The following FKBP5 variants were observed in gnomAD, a reference collection of about 807,000 sequenced individuals.
FKBP5 encodes the protein FKBP prolyl isomerase 5.
A neutral mutation model predicts 50.5 loss-of-function variants in FKBP5; 23 were observed. That is an observed-to-expected ratio of 0.46 (90% CI 0.33 to 0.65). The LOEUF (loss-of-function observed/expected upper bound fraction) is 0.65. FKBP5 is among the 30% of genes least tolerant of loss of function. The pLI is 0.02. For missense variants in FKBP5, 411 were observed against 553.1 expected, an observed-to-expected ratio of 0.74 and a Z score of 2.58; for synonymous variants, 176 against 190.6, an observed-to-expected ratio of 0.92 and a Z score of 0.63.
In FKBP5 at chr6:35,698,390, G is replaced by GTAT. The variant is rs1034026971; in HGVS notation, c.-20+21935_-20+21937dup. Among the ~76,000 whole-genome samples, 145 of 152,156 alleles carry GTAT rather than the reference G, an allele frequency of 9.5e-4. 1 individual carries two copies. Among genetic ancestry groups the GTAT allele is most frequent in the African/African-American group, 3.4e-3 (140 of 41,496 alleles). ...AGGCCGGGCGCGGTGGCTCACGCCC[G>GTAT]TATTCCCAACACTTTGGGAAACCTA... On this transcript the variant is annotated intron_variant, in intron 2 of 11. Coordinates refer to the FKBP5 transcript ENST00000536438.
chr6:35,663,402 G>T (rs1192198328), intron 1 of FKBP5, among the ~76,000 whole-genome samples: 1 of 152,166 alleles, frequency 6.6e-6, no homozygotes, highest in African/African-American at 2.4e-5. Context: ...TATTCCAAAG[G>T]CAACAGGGAA....
At chr6:35,687,038 C>A (rs919694758) in intron 1 of FKBP5, among the ~76,000 whole-genome samples, 1 of 152,132 alleles carries the variant, frequency 6.6e-6, no homozygotes, top group Admixed American at 6.6e-5. Context: ...CTCTTATCAG[C>A]TATTAGCTAA....
chr6:35,647,877 A>G (rs1242315046), intron 1 of FKBP5, among the ~76,000 whole-genome samples: 19 of 152,226 alleles, frequency 1.2e-4, no homozygotes, highest in Admixed American at 1.2e-3. Flanking sequence ...TAACTGCTGA[A>G]GACAAGTCTT....
chr6:35,631,995 A>C (rs1450594863), intron 3 of FKBP5, among the ~76,000 whole-genome samples: 1 of 150,360 alleles, frequency 6.7e-6, no homozygotes, highest in African/African-American at 2.5e-5. Context: ...TAATTCTTTC[A>C]TCCTCCAAAT....
At chr6:35,576,277 G>A (rs1762209350) in intron 10 of FKBP5, among the ~76,000 whole-genome samples, 1 of 152,096 alleles carries the variant, frequency 6.6e-6, no homozygotes, top group South Asian at 2.1e-4. Flanking sequence ...CGACCCTCAA[G>A]ATAACAGGTG....
At chr6:35,677,752 G>A (rs571164215) in intron 1 of FKBP5, among the ~76,000 whole-genome samples, 3 of 151,614 alleles carry the variant, frequency 2.0e-5, no homozygotes, top group Non-Finnish European at 2.9e-5. Flanking sequence ...AAAATGATGT[G>A]TCTGCCTAAA....
intron 3 of FKBP5, among the ~76,000 whole-genome samples, chr6:35,627,358 T>A (rs1031773719): frequency 6.6e-6 from 1 of 152,162 alleles, no homozygotes; most frequent in Non-Finnish European, 1.5e-5. Flanking sequence ...CCCAGACTGG[T>A]CTTGAACTCC....
chr6:35,688,486 G>A (rs902160104), intron 1 of FKBP5, among the ~76,000 whole-genome samples: 1 of 151,738 alleles, frequency 6.6e-6, no homozygotes, highest in Admixed American at 6.6e-5. Context: ...GACCCGCCTC[G>A]CCTCTGCCGG....
intron 1 of FKBP5, among the ~76,000 whole-genome samples, chr6:35,652,599 A>C (rs1019934490): frequency 3.3e-5 from 5 of 152,158 alleles, no homozygotes; most frequent in African/African-American, 9.7e-5. Flanking sequence ...CCGCCTAATA[A>C]ACTTTGGTCA....
intron 1 of FKBP5, among the ~76,000 whole-genome samples, chr6:35,652,983 G>A (rs1182070203): frequency 6.6e-6 from 1 of 152,098 alleles, no homozygotes; most frequent in African/African-American, 2.4e-5. Flanking sequence ...AAGAACCTAC[G>A]TGATTATCGG....
chr6:35,591,322 A>G, intron 6 of FKBP5, 102 bp from the exon 7 acceptor site: 2 of 739,326 alleles, frequency 2.7e-6, no homozygotes, highest in Admixed American at 2.4e-5. Flanking sequence ...TTTGCAAGCT[A>G]CATGTGTCAG....
At chr6:35,582,140 T>G (rs1762452118) in intron 8 of FKBP5, 1 of 984,646 alleles carries the variant, frequency 1.0e-6, no homozygotes, top group African/African-American at 1.8e-5. Flanking sequence ...TCGAACATCC[T>G]TCTTCCCAAG....
In FKBP5 at chr6:35,574,125, G is replaced by C. The variant is rs1762143342; in HGVS notation, c.*1710C>G. 6.6e-6 allele frequency: 1 copy of C among 151,990 alleles called. No homozygotes were observed. The highest frequency in any genetic ancestry group is 1.5e-5 in the Non-Finnish European group (1 of 67,996). 9.4% of individuals were successfully genotyped at this position (151,990 alleles called of 1,614,324 possible). A position where few individuals can be genotyped will look rare whatever the true frequency, so the allele number is the denominator to read the frequency against. ...TTTAAAAGAAATATTTCATAAAAAA[G>C]ACAAAAGCATAAATGAGAAATTAGA... On this transcript the variant is annotated 3_prime_UTR_variant, in exon 11 of 11. Coordinates refer to ENST00000357266, the MANE Select transcript of FKBP5 (RefSeq NM_004117.4).
At chr6:35,669,302 T>C in intron 1 of FKBP5, among the ~76,000 whole-genome samples, 1 of 152,230 alleles carries the variant, frequency 6.6e-6, no homozygotes, top group East Asian at 1.9e-4. Flanking sequence ...GTTTTGTTTC[T>C]TGAAAGAATA....
chr6:35,582,095 G>A (rs1581783134), intron 8 of FKBP5: 2 of 985,298 alleles, frequency 2.0e-6, no homozygotes, highest in Non-Finnish European at 2.4e-6. Context: ...TCCAGCTGGA[G>A]GGCCTGGGTG....
chr6:35,653,060 G>C (rs1764855364), intron 1 of FKBP5, among the ~76,000 whole-genome samples: 1 of 152,182 alleles, frequency 6.6e-6, no homozygotes, highest in Admixed American at 6.5e-5. Flanking sequence ...AGTATTGATA[G>C]ACATAAAGGT....
At chr6:35,624,807 A>G (rs1260451931) in intron 3 of FKBP5, among the ~76,000 whole-genome samples, 6 of 152,212 alleles carry the variant, frequency 3.9e-5, no homozygotes, top group Admixed American at 3.3e-4. Context: ...GATACTCCAC[A>G]GTTCGCATGG....
At chr6:35,699,840 A>G (rs1470727350) in intron 2 of FKBP5, among the ~76,000 whole-genome samples, 3 of 152,162 alleles carry the variant, frequency 2.0e-5, no homozygotes, top group African/African-American at 7.2e-5. Context: ...TGAGGTCAGG[A>G]GTTCAAGACC....
chr6:35,684,992 G>A (rs1765782749), intron 1 of FKBP5, among the ~76,000 whole-genome samples: 1 of 151,842 alleles, frequency 6.6e-6, no homozygotes, highest in Non-Finnish European at 1.5e-5. Flanking sequence ...CTTGAGCCTG[G>A]GAAGTCTGCA....
Sources: gnomAD v4.1 joint callset for allele counts (sites outside exome capture counted in the v4.1 genomes callset) on GRCh38, gnomAD v4.1.1 for gene constraint, MANE v1.5 for transcripts, NCBI Gene and HGNC (gene_info 2026-07-23, HGNC 2026-07-21) for gene names.